Variants in ROBO2 observed in about 807,000 individuals in gnomAD.
The protein encoded by ROBO2 is roundabout homolog 2.
A neutral mutation model predicts 160.8 loss-of-function variants in ROBO2; 53 were observed. The ratio of observed to expected loss-of-function variants is 0.33; its 90% CI spans 0.26 to 0.41. The LOEUF is 0.41. Among genes scored for constraint, ROBO2 ranks in the 10% least tolerant of loss-of-function variants. The pLI, the probability that ROBO2 is intolerant of heterozygous loss-of-function variation, is 1.00. For synonymous variants in ROBO2, 664 were observed against 611.7 expected (o/e 1.09, Z -1.26); for missense variants, 1,577 against 1,722.4 (o/e 0.92, Z 1.49).
intron 2 of ROBO2, among the ~76,000 whole-genome samples, chr3:76,645,136 A>G (rs1001918808): frequency 6.6e-6 from 1 of 152,196 alleles, no homozygotes; most frequent in Non-Finnish European, 1.5e-5. Flanking sequence ...TTATTCTGCA[A>G]TCTTTGTAAT....
rs1174092031 is a variant in ROBO2 at position 76,907,817 on chromosome 3, GTTT to G, written c.110-190196_110-190194del. ...TTCATGGCCTTTCTGCTGTTTGTTT[GTTT>G]GGGGTGTGTGTGTGTGTGTGTGTGT... On this transcript the variant is annotated intron_variant, in intron 2 of 26. Coordinates refer to the ROBO2 transcript ENST00000487694. Among the ~76,000 whole-genome samples, 964 of 106,110 alleles carry G rather than the reference GTTT, an allele frequency of 9.1e-3. 8 individuals are homozygous for G. The highest frequency in any genetic ancestry group is 0.03 in the African/African-American group (843 of 27,694). 69.6% of individuals were successfully genotyped at this position (106,110 alleles called of 152,430 possible). A position where few individuals can be genotyped will look rare whatever the true frequency, so the allele number is the denominator to read the frequency against.
chr3:76,910,725 CAAAAAAA>C (rs10662303), intron 2 of ROBO2, among the ~76,000 whole-genome samples: 1 of 35,526 alleles, frequency 2.8e-5, no homozygotes, highest in Non-Finnish European at 5.0e-5. Context: ...AACTCTGTCT[CAAAAAAA>C]AAAAAAAAAA....
chr3:76,146,789 A>T (rs1436597138), intron 2 of ROBO2, among the ~76,000 whole-genome samples: 1 of 96,518 alleles, frequency 1.0e-5, no homozygotes, highest in Admixed American at 1.1e-4. Context: ...TACCACAGAC[A>T]CCCACTGCCC....
intron 5 of ROBO2, 23 bp from the exon 6 acceptor site, chr3:77,522,752 A>G: frequency 6.2e-7 from 1 of 1,605,000 alleles, no homozygotes; most frequent in African/African-American, 1.3e-5. Flanking sequence ...CTATTTAATA[A>G]AACCAGTTCA....
At chr3:77,631,225 C>T (rs2095155626) in intron 23 of ROBO2, 1 of 152,044 alleles carries the variant, frequency 6.6e-6, no homozygotes, top group Non-Finnish European at 1.5e-5. Context: ...TTTAACTTCT[C>T]CGATCATTCT....
chr3:75,910,892 T>A (rs1298105240), intron 1 of ROBO2, among the ~76,000 whole-genome samples: 3 of 151,992 alleles, frequency 2.0e-5, no homozygotes, highest in Non-Finnish European at 4.4e-5. Flanking sequence ...TGTTGAACTA[T>A]GTTTTTAAAT....
chr3:77,381,940 T>C (rs2073530238), intron 2 of ROBO2, among the ~76,000 whole-genome samples: 1 of 152,016 alleles, frequency 6.6e-6, no homozygotes. Flanking sequence ...ATGAAATCTA[T>C]TTTTCTGAAG....
intron 2 of ROBO2, among the ~76,000 whole-genome samples, chr3:76,858,735 T>G (rs2070415553): frequency 6.6e-6 from 1 of 152,124 alleles, no homozygotes; most frequent in Non-Finnish European, 1.5e-5. Context: ...AATGATACAA[T>G]GCAAACAATG....
chr3:76,851,761 AAAAAT>A (rs1425394552), intron 2 of ROBO2, among the ~76,000 whole-genome samples: 3 of 143,336 alleles, frequency 2.1e-5, no homozygotes, highest in Admixed American at 6.8e-5. Context: ...AAAAAAAAAA[AAAAAT>A]ATTAACATGT....
At chr3:76,088,194 G>A (rs1559901649) in intron 2 of ROBO2, among the ~76,000 whole-genome samples, 1 of 152,056 alleles carries the variant, frequency 6.6e-6, no homozygotes, top group African/African-American at 2.4e-5. Flanking sequence ...TAGTGCGTAT[G>A]CACCTAACAT....
chr3:76,947,951 C>G (rs760843609), intron 2 of ROBO2, among the ~76,000 whole-genome samples: 1 of 152,120 alleles, frequency 6.6e-6, no homozygotes, highest in Non-Finnish European at 1.5e-5. Flanking sequence ...TTTCTGTGCT[C>G]GCCATTACTT....
chr3:77,114,978 T>G (rs2074056247), intron 2 of ROBO2, among the ~76,000 whole-genome samples: 1 of 152,166 alleles, frequency 6.6e-6, no homozygotes, highest in Admixed American at 6.5e-5. Flanking sequence ...CTTTTTCCTG[T>G]GAGTGTTTTT....
intron 2 of ROBO2, among the ~76,000 whole-genome samples, chr3:77,145,491 T>C (rs1383207672): frequency 1.3e-5 from 2 of 152,192 alleles, no homozygotes; most frequent in Admixed American, 1.3e-4. Context: ...TTTATACAAT[T>C]AACAGAGGCA....
intron 2 of ROBO2, among the ~76,000 whole-genome samples, chr3:76,194,062 TCAG>T (rs2107198338): frequency 6.6e-6 from 1 of 152,156 alleles, no homozygotes; most frequent in African/African-American, 2.4e-5. Context: ...ATTCTGCTGT[TCAG>T]CAGCATTTCC....
chr3:77,534,728 C>T (rs1386951930), intron 6 of ROBO2, among the ~76,000 whole-genome samples: 2 of 152,092 alleles, frequency 1.3e-5, no homozygotes, highest in Non-Finnish European at 2.9e-5. Flanking sequence ...CTTTTAAAAT[C>T]TCACTTATGG....
chr3:76,588,646 G>A (rs575831312), intron 2 of ROBO2, among the ~76,000 whole-genome samples: 1 of 152,206 alleles, frequency 6.6e-6, no homozygotes, highest in African/African-American at 2.4e-5. Flanking sequence ...GTCTTATGTA[G>A]AGGCATTCAA....
At chr3:76,691,902 C>G (rs752217222) in intron 2 of ROBO2, among the ~76,000 whole-genome samples, 1 of 152,086 alleles carries the variant, frequency 6.6e-6, no homozygotes, top group Non-Finnish European at 1.5e-5. Flanking sequence ...CGAACAATCA[C>G]GAGTGGAGAA....
At chr3:76,399,163 A>C (rs970746624) in intron 2 of ROBO2, among the ~76,000 whole-genome samples, 1 of 151,756 alleles carries the variant, frequency 6.6e-6, no homozygotes, top group African/African-American at 2.4e-5. Context: ...TAAAGAAACA[A>C]AATTTTTTAT....
At chr3:76,330,270 A>G (rs1342036425) in intron 2 of ROBO2, among the ~76,000 whole-genome samples, 1 of 152,222 alleles carries the variant, frequency 6.6e-6, no homozygotes, top group Non-Finnish European at 1.5e-5. Context: ...ACTCATAACT[A>G]ATCAAAGTGG....
Sources: allele counts gnomAD v4.1 joint callset (sites outside exome capture counted in the v4.1 genomes callset), GRCh38; gene constraint gnomAD v4.1.1; transcripts MANE v1.5; gene names NCBI Gene and HGNC (gene_info 2026-07-23, HGNC 2026-07-21).